The following DMRT1 variants were observed in gnomAD, a reference collection of about 807,000 sequenced individuals.
DMRT1 encodes doublesex and mab-3 related transcription factor 1, also known as doublesex- and mab-3-related transcription factor 1.
In DMRT1, 7 loss-of-function variants were observed where a neutral mutation model predicts 32.3. That is an observed-to-expected ratio of 0.22 (90% CI 0.12 to 0.41). The LOEUF (loss-of-function observed/expected upper bound fraction) is 0.41, where lower values mean the gene tolerates loss of function less well. Ranked by LOEUF, DMRT1 falls within the 10% of genes least tolerant of loss-of-function variation. The pLI, the probability that DMRT1 is intolerant of heterozygous loss-of-function variation, is 1.00. For missense variants in DMRT1, 625 were observed against 500.5 expected (o/e 1.25, Z -2.37); for synonymous variants, 278 against 206.1 (o/e 1.35, Z -2.99).
intron 4 of DMRT1, among the ~76,000 whole-genome samples, chr9:943,988 T>G (rs1819161045): frequency 6.6e-6 from 1 of 152,208 alleles, no homozygotes; most frequent in African/African-American, 2.4e-5. Flanking sequence ...TTGAGAGTAC[T>G]GTGTTTGGGG....
intron 2 of DMRT1, among the ~76,000 whole-genome samples, chr9:867,771 TTGG>T (rs1025540112): frequency 7.9e-5 from 12 of 152,170 alleles, no homozygotes; most frequent in Non-Finnish European, 1.2e-4. Flanking sequence ...GGTTTGTATC[TTGG>T]TACAAGGGTA....
chr9:895,867 C>T (rs1199858082), intron 3 of DMRT1, among the ~76,000 whole-genome samples: 3 of 147,818 alleles, frequency 2.0e-5, no homozygotes, highest in Non-Finnish European at 3.0e-5. Context: ...TACAGTGGCG[C>T]GATCTCGGCT....
chr9:935,916 G>A (rs143717961), intron 4 of DMRT1, among the ~76,000 whole-genome samples: 1 of 152,268 alleles, frequency 6.6e-6, no homozygotes, highest in African/African-American at 2.4e-5. Flanking sequence ...GAAATTCTGT[G>A]TATTGTTAGG....
At chr9:846,151 C>T (rs1035357942) in intron 1 of DMRT1, among the ~76,000 whole-genome samples, 1 of 151,624 alleles carries the variant, frequency 6.6e-6, no homozygotes, top group Non-Finnish European at 1.5e-5. Flanking sequence ...CCTGCCTCAG[C>T]CTCCCGAGTA....
chr9:862,137 A>G (rs1237183932), intron 2 of DMRT1, among the ~76,000 whole-genome samples: 2 of 141,300 alleles, frequency 1.4e-5, no homozygotes, highest in Admixed American at 7.2e-5. Context: ...GCACTTTGGG[A>G]GGCCAAGGCA....
chr9:964,473 C>T (rs953269141), intron 4 of DMRT1, among the ~76,000 whole-genome samples: 1 of 151,948 alleles, frequency 6.6e-6, no homozygotes, highest in Admixed American at 6.6e-5. Context: ...CATTGTAACA[C>T]AAAAAAATAT....
At chr9:886,070 T>C (rs1032394049) in intron 2 of DMRT1, among the ~76,000 whole-genome samples, 1 of 152,220 alleles carries the variant, frequency 6.6e-6, no homozygotes, top group Non-Finnish European at 1.5e-5. Context: ...CTCATTAAAA[T>C]GTTTCCCTTC....
At chr9:911,245 T>A (rs1238721189) in intron 3 of DMRT1, among the ~76,000 whole-genome samples, 2 of 152,048 alleles carry the variant, frequency 1.3e-5, no homozygotes, top group South Asian at 4.1e-4. Context: ...CTTGTCACAA[T>A]CAAAAGCGTC....
rs542797452 is a variant in DMRT1 at position 941,098 on chromosome 9, G to A, written c.967+24191G>A. Reference sequence around the variant, plus strand: ...ATTGGTGGGAATGTGAAGTGCTATAGCCTTTATGCAAACAGTATGGTGGGT... The same window carrying A: ...ATTGGTGGGAATGTGAAGTGCTATAACCTTTATGCAAACAGTATGGTGGGT... On this transcript the variant is annotated intron_variant, in intron 4 of 4. Coordinates refer to ENST00000382276, the MANE Select transcript of DMRT1 (RefSeq NM_021951.3). Among the ~76,000 whole-genome samples the A allele has an allele frequency of 1.8e-4, 28 of 152,286 alleles. No individual in the cohort carries two copies. In the South Asian group the frequency reaches 5.6e-3, roughly 30 times the overall value.
At chr9:910,409 G>T (rs1335687335) in intron 3 of DMRT1, among the ~76,000 whole-genome samples, 3 of 151,470 alleles carry the variant, frequency 2.0e-5, no homozygotes, top group Non-Finnish European at 2.9e-5. Flanking sequence ...ATGACAATTT[G>T]GTCTTCACAA....
chr9:888,132 C>T (rs1817002489), intron 2 of DMRT1, among the ~76,000 whole-genome samples: 1 of 152,076 alleles, frequency 6.6e-6, no homozygotes, highest in African/African-American at 2.4e-5. Flanking sequence ...CTGGAATAAG[C>T]ATTTGAATAG....
At chr9:909,512 A>G (rs573276328) in intron 3 of DMRT1, among the ~76,000 whole-genome samples, 1 of 152,176 alleles carries the variant, frequency 6.6e-6, no homozygotes, top group African/African-American at 2.4e-5. Context: ...CATCTATTAA[A>G]ACTAAAGCCA....
At position 905,083 on chromosome 9, in the gene DMRT1, A is replaced by G. The variant is rs191455299; in HGVS notation, c.822+10888A>G. ...GGGTGGGGACAAGTGTTTGATCACA[A>G]CTATTGTTTAGAATTTCCAGTGCAT... On this transcript the variant is annotated intron_variant, in intron 3 of 4. Coordinates refer to ENST00000382276, the MANE Select transcript of DMRT1 (RefSeq NM_021951.3). Among the ~76,000 whole-genome samples, 26 of 152,336 alleles carry G rather than the reference A, an allele frequency of 1.7e-4. No homozygotes were observed. In the East Asian group the frequency reaches 4.1e-3, roughly 24 times the overall value.
intron 2 of DMRT1, among the ~76,000 whole-genome samples, chr9:888,313 T>C (rs1442682260): frequency 6.6e-6 from 1 of 152,010 alleles, no homozygotes; most frequent in Non-Finnish European, 1.5e-5. Context: ...TTTTTTTTTT[T>C]TTTTCCTTTT....
At chr9:932,114 C>T (rs183911378) in intron 4 of DMRT1, among the ~76,000 whole-genome samples, 3 of 152,314 alleles carry the variant, frequency 2.0e-5, no homozygotes, top group African/African-American at 4.8e-5. Context: ...ACCCCACTCA[C>T]GGGAACACTT....
chr9:957,231 A>C (rs749061260), intron 4 of DMRT1, among the ~76,000 whole-genome samples: 3 of 152,248 alleles, frequency 2.0e-5, no homozygotes, highest in Non-Finnish European at 4.4e-5. Context: ...ACAATTAAAA[A>C]TATCATAAAC....
At chr9:877,359 C>A (rs960285132) in intron 2 of DMRT1, among the ~76,000 whole-genome samples, 4 of 152,132 alleles carry the variant, frequency 2.6e-5, no homozygotes, top group African/African-American at 9.7e-5. Flanking sequence ...AGTAAGGGTT[C>A]TGAAGGAGGC....
intron 2 of DMRT1, among the ~76,000 whole-genome samples, chr9:884,266 G>C (rs1171418524): frequency 6.6e-6 from 1 of 151,676 alleles, no homozygotes; most frequent in African/African-American, 2.4e-5. Flanking sequence ...CATGGGCCCA[G>C]AGACCAGCAT....
chr9:922,412 T>A (rs779620090), intron 4 of DMRT1, among the ~76,000 whole-genome samples: 1 of 152,136 alleles, frequency 6.6e-6, no homozygotes, highest in Non-Finnish European at 1.5e-5. Flanking sequence ...TGGGAACAGC[T>A]TTGAAATGAT....
Sources: gnomAD v4.1 joint callset for allele counts (sites outside exome capture counted in the v4.1 genomes callset) on GRCh38, gnomAD v4.1.1 for gene constraint, MANE v1.5 for transcripts, NCBI Gene and HGNC (gene_info 2026-07-23, HGNC 2026-07-21) for gene names.